PARD3B: variants seen among roughly 807,000 people sequenced by gnomAD.
The protein encoded by PARD3B is par-3 family cell polarity regulator beta, also known as partitioning defective 3 homolog B.
A neutral mutation model predicts 130.2 loss-of-function variants in PARD3B; 103 were observed. The ratio of observed to expected loss-of-function variants is 0.79; its 90% CI spans 0.67 to 0.93. PARD3B has a LOEUF of 0.93. Ranked by LOEUF, PARD3B falls within the 40% of genes least tolerant of loss-of-function variation. PARD3B has a pLI of 0.00. For synonymous variants in PARD3B, 583 were observed against 553.2 expected, an observed-to-expected ratio of 1.05 and a Z score of -0.76; for missense variants, 1,609 against 1,499.2, an observed-to-expected ratio of 1.07 and a Z score of -1.21.
chr2:204,950,059 C>T (rs1689641098), intron 2 of PARD3B, among the ~76,000 whole-genome samples: 1 of 152,108 alleles, frequency 6.6e-6, no homozygotes, highest in South Asian at 2.1e-4. Context: ...TCCTTCATGT[C>T]CAAGCCCTAT....
chr2:204,583,546 A>G (rs1322935786), intron 1 of PARD3B, among the ~76,000 whole-genome samples: 1 of 126,864 alleles, frequency 7.9e-6, no homozygotes, highest in African/African-American at 3.0e-5. Flanking sequence ...TAGTGGGTGC[A>G]GCGCACCAGC....
At chr2:204,591,167 G>A (rs981965157) in intron 1 of PARD3B, among the ~76,000 whole-genome samples, 15 of 152,240 alleles carry the variant, frequency 9.9e-5, no homozygotes, top group Non-Finnish European at 1.5e-4. Context: ...TTCTAAACAG[G>A]CACACACAAT....
intron 15 of PARD3B, among the ~76,000 whole-genome samples, chr2:205,240,502 A>G (rs2039304515): frequency 6.6e-6 from 1 of 152,338 alleles, no homozygotes; most frequent in South Asian, 2.1e-4. Flanking sequence ...TTAGAGTGGT[A>G]CTTTGCCTCA....
chr2:204,741,722 T>C (rs1272446466), intron 2 of PARD3B, among the ~76,000 whole-genome samples: 2 of 152,200 alleles, frequency 1.3e-5, no homozygotes, highest in East Asian at 3.8e-4. Flanking sequence ...TTTGGCACTT[T>C]GTAGACATAA....
chr2:204,982,369 G>A (rs147217364), intron 3 of PARD3B, among the ~76,000 whole-genome samples: 3 of 152,270 alleles, frequency 2.0e-5, no homozygotes, highest in Non-Finnish European at 2.9e-5. Flanking sequence ...ACTCACAGAC[G>A]ACCAAGTTCT....
chr2:204,846,239 G>A (rs2044456974), intron 2 of PARD3B, among the ~76,000 whole-genome samples: 1 of 152,072 alleles, frequency 6.6e-6, no homozygotes. Context: ...GATAGATTCA[G>A]TGTTGGCTTT....
chr2:204,646,956 T>G (rs1002310636), intron 1 of PARD3B, among the ~76,000 whole-genome samples: 6 of 152,032 alleles, frequency 3.9e-5, no homozygotes, highest in Non-Finnish European at 8.8e-5. Context: ...AATTCTATTT[T>G]ATAATAAAGT....
intron 16 of PARD3B, among the ~76,000 whole-genome samples, chr2:205,293,023 T>C (rs2041664987): frequency 1.3e-5 from 2 of 152,300 alleles, no homozygotes; most frequent in South Asian, 4.1e-4. Flanking sequence ...TCACTTTCTA[T>C]CAGTTCTGTA....
At chr2:205,248,899 G>A (rs1574498546) in intron 16 of PARD3B, among the ~76,000 whole-genome samples, 1 of 151,588 alleles carries the variant, frequency 6.6e-6, no homozygotes, top group African/African-American at 2.4e-5. Flanking sequence ...GAGCCACCGC[G>A]CCCAGCCTGT....
intron 19 of PARD3B, among the ~76,000 whole-genome samples, chr2:205,425,103 A>G (rs1350941621): frequency 1.3e-5 from 2 of 152,140 alleles, no homozygotes; most frequent in African/African-American, 4.8e-5. Flanking sequence ...AACATCATTT[A>G]ATGTCTTCAA....
At chr2:204,570,991 A>G (rs1222052005) in intron 1 of PARD3B, among the ~76,000 whole-genome samples, 1 of 151,726 alleles carries the variant, frequency 6.6e-6, no homozygotes, top group Non-Finnish European at 1.5e-5. Context: ...ACTGAGGTGT[A>G]TAAGCTGTTG....
At chr2:205,099,658 C>T (rs1702617905) in intron 4 of PARD3B, among the ~76,000 whole-genome samples, 1 of 152,142 alleles carries the variant, frequency 6.6e-6, no homozygotes, top group African/African-American at 2.4e-5. Flanking sequence ...CAAAGCACTG[C>T]ACAGCTACAG....
intron 18 of PARD3B, among the ~76,000 whole-genome samples, chr2:205,310,287 C>A (rs2042334731): frequency 6.6e-6 from 1 of 151,846 alleles, no homozygotes; most frequent in African/African-American, 2.4e-5. Context: ...CGGGGTTTCA[C>A]CATGTTAGCC....
intron 21 of PARD3B, among the ~76,000 whole-genome samples, chr2:205,526,757 T>C (rs966184662): frequency 5.9e-5 from 9 of 152,222 alleles, no homozygotes; most frequent in African/African-American, 2.2e-4. Flanking sequence ...TTAGTAATTA[T>C]TGCATTTTTG....
At chr2:204,786,444 A>G (rs572773776) in intron 2 of PARD3B, among the ~76,000 whole-genome samples, 106 of 152,078 alleles carry the variant, frequency 7.0e-4, no homozygotes, top group Non-Finnish European at 1.1e-3. Context: ...TTTTGGTCCT[A>G]TGAATTACTG....
chr2:204,966,461 A>G (rs1359608307), intron 3 of PARD3B, among the ~76,000 whole-genome samples: 2 of 152,152 alleles, frequency 1.3e-5, no homozygotes, highest in African/African-American at 4.8e-5. Context: ...CAGCCCCATC[A>G]TTCATTTGCA....
At chr2:204,926,585 T>G (rs1220307347) in intron 2 of PARD3B, among the ~76,000 whole-genome samples, 1 of 152,092 alleles carries the variant, frequency 6.6e-6, no homozygotes, top group Non-Finnish European at 1.5e-5. Context: ...GTGGATCTCC[T>G]CACAACATGT....
At chr2:205,423,334 T>C (rs1320717913) in intron 19 of PARD3B, among the ~76,000 whole-genome samples, 1 of 152,176 alleles carries the variant, frequency 6.6e-6, no homozygotes, top group African/African-American at 2.4e-5. Flanking sequence ...CTTTTGGAGG[T>C]AGGAGGGGAC....
intron 3 of PARD3B, among the ~76,000 whole-genome samples, chr2:205,037,525 G>A (rs1366266688): frequency 1.4e-5 from 2 of 146,826 alleles, no homozygotes; most frequent in Non-Finnish European, 3.0e-5. Context: ...TATAAAATAT[G>A]TATATAGTGT....
Sources: gnomAD v4.1 joint callset for allele counts (sites outside exome capture counted in the v4.1 genomes callset) on GRCh38, gnomAD v4.1.1 for gene constraint, MANE v1.5 for transcripts, NCBI Gene and HGNC (gene_info 2026-07-23, HGNC 2026-07-21) for gene names.